PDE1A: variants seen among roughly 807,000 people sequenced by gnomAD.
The protein encoded by PDE1A is dual specificity calcium/calmodulin-dependent 3',5'-cyclic nucleotide phosphodiesterase 1A.
PDE1A carries 35 observed loss-of-function variants against 61.7 expected under a neutral mutation model. That is an observed-to-expected ratio of 0.57 (90% CI 0.43 to 0.75). The LOEUF (loss-of-function observed/expected upper bound fraction) is 0.75, where lower values mean the gene tolerates loss of function less well. PDE1A is among the 30% of genes least tolerant of loss of function. The pLI is 0.00. For synonymous variants in PDE1A, 232 were observed against 213.2 expected (o/e 1.09, Z -0.77); for missense variants, 597 against 630.6 (o/e 0.95, Z 0.57).
the PDE1A span, among the ~76,000 whole-genome samples, chr2:182,578,007 A>G: frequency 6.6e-6 from 1 of 151,286 alleles, no homozygotes; most frequent in African/African-American, 2.4e-5. Context: ...GGAGGGAGGG[A>G]GGGGAAAGAG....
chr2:182,385,473 A>G (rs1158596133), intron 1 of PDE1A, among the ~76,000 whole-genome samples: 1 of 152,120 alleles, frequency 6.6e-6, no homozygotes. Context: ...ATCAAAATCA[A>G]GTTTTTATTG....
intron 1 of PDE1A, among the ~76,000 whole-genome samples, chr2:182,358,527 G>A (rs1699324293): frequency 1.3e-5 from 2 of 151,854 alleles, no homozygotes; most frequent in African/African-American, 4.8e-5. Flanking sequence ...TTTCTCCATT[G>A]GTATCATCTC....
intron 3 of PDE1A, among the ~76,000 whole-genome samples, chr2:182,234,992 G>C (rs1281243599): frequency 6.6e-6 from 1 of 152,094 alleles, no homozygotes; most frequent in Non-Finnish European, 1.5e-5. Context: ...TTTATTTAAT[G>C]ATATTGGGGA....
At chr2:182,157,477 CTCTA>C (rs1691156846) in intron 13 of PDE1A, among the ~76,000 whole-genome samples, 1 of 152,218 alleles carries the variant, frequency 6.6e-6, no homozygotes, top group Non-Finnish European at 1.5e-5. Context: ...TTTCTATAGA[CTCTA>C]AGACCCAATT....
chr2:182,556,234 T>G, the PDE1A span, among the ~76,000 whole-genome samples: 2 of 152,010 alleles, frequency 1.3e-5, no homozygotes, highest in Non-Finnish European at 2.9e-5. Context: ...AAATAACTAT[T>G]TAAACCACCT....
At chr2:182,352,855 A>C (rs1006929682) in intron 1 of PDE1A, among the ~76,000 whole-genome samples, 2 of 152,228 alleles carry the variant, frequency 1.3e-5, no homozygotes, top group African/African-American at 4.8e-5. Flanking sequence ...AGAAACTATC[A>C]GCCAATCGTG....
chr2:182,608,695 C>T, the PDE1A span, among the ~76,000 whole-genome samples: 1 of 152,226 alleles, frequency 6.6e-6, no homozygotes, highest in Non-Finnish European at 1.5e-5. Flanking sequence ...GCCGTGGACT[C>T]CTGCGCCTCC....
rs59999610 is a variant in PDE1A, at chr2:182,412,058, GAA to G, written c.53+14518_53+14519del. On this transcript the variant is annotated intron_variant, in intron 1 of 13. Transcript: ENST00000351439. ...GGGCAATGGAGTGAGACTCCATCTC[GAA>G]AAAAAAAAAAAAAAGATTATCTATT... is the stretch of plus-strand genomic sequence containing the variant. 4.2e-3 allele frequency among the ~76,000 whole-genome samples: 554 copies of G among 131,810 alleles called. 6 individuals are homozygous for G. Among genetic ancestry groups the G allele is most frequent in the African/African-American group, 0.012 (435 of 35,236 alleles). The allele number at this position is 131,810 out of a possible 152,430, so 86.5% of individuals were successfully genotyped here.
chr2:182,178,276 A>G (rs1684448448), intron 13 of PDE1A, among the ~76,000 whole-genome samples: 1 of 152,170 alleles, frequency 6.6e-6, no homozygotes, highest in South Asian at 2.1e-4. Flanking sequence ...ATACTTCCAG[A>G]GGAGATCCAG....
chr2:182,526,643 T>A (rs1690777658), upstream of PDE1A, among the ~76,000 whole-genome samples: 1 of 152,204 alleles, frequency 6.6e-6, no homozygotes, highest in African/African-American at 2.4e-5. Flanking sequence ...TTGATTAAAC[T>A]TAAACTACCA....
intron 1 of PDE1A, among the ~76,000 whole-genome samples, chr2:182,320,726 G>A (rs1696644581): frequency 6.6e-6 from 1 of 152,046 alleles, no homozygotes; most frequent in Admixed American, 6.6e-5. Context: ...AATTTTCAAT[G>A]GACTAGTTAC....
intron 7 of PDE1A, among the ~76,000 whole-genome samples, chr2:182,218,669 G>A (rs573752484): frequency 1.3e-5 from 2 of 152,116 alleles, no homozygotes; most frequent in African/African-American, 2.4e-5. Context: ...TATCATAAAC[G>A]TGGGTTGGAA....
At chr2:182,393,762 A>C (rs577212852) in intron 1 of PDE1A, among the ~76,000 whole-genome samples, 3 of 152,270 alleles carry the variant, frequency 2.0e-5, no homozygotes, top group South Asian at 4.1e-4. Context: ...AATTCCACAG[A>C]TCTCCAGGGC....
intron 13 of PDE1A, among the ~76,000 whole-genome samples, chr2:182,181,380 G>A (rs141980101): frequency 3.3e-5 from 5 of 152,170 alleles, no homozygotes; most frequent in African/African-American, 1.2e-4. Context: ...TTTGATGGGG[G>A]TCCACTCCAG....
intron 2 of PDE1A, among the ~76,000 whole-genome samples, chr2:182,454,791 T>G (rs906320861): frequency 6.6e-6 from 1 of 151,934 alleles, no homozygotes; most frequent in Non-Finnish European, 1.5e-5. Flanking sequence ...AAGACTTACA[T>G]GTTAGACCTA....
chr2:182,551,571 C>A, the PDE1A span, among the ~76,000 whole-genome samples: 13 of 152,204 alleles, frequency 8.5e-5, no homozygotes, highest in Admixed American at 8.5e-4. Flanking sequence ...AAAGCAGCCA[C>A]CACTTCAGAG....
chr2:182,560,818 T>C, the PDE1A span, among the ~76,000 whole-genome samples: 1 of 152,168 alleles, frequency 6.6e-6, no homozygotes, highest in African/African-American at 2.4e-5. Context: ...TGGCCAGTGA[T>C]GGTGAGCATT....
At chr2:182,368,902 T>A (rs779246879) in intron 1 of PDE1A, among the ~76,000 whole-genome samples, 4 of 152,218 alleles carry the variant, frequency 2.6e-5, no homozygotes, top group Middle Eastern at 3.2e-3. Context: ...TTTCACATTA[T>A]TATTTCAAGA....
chr2:182,346,595 C>T (rs1227218094), intron 1 of PDE1A, among the ~76,000 whole-genome samples: 1 of 132,896 alleles, frequency 7.5e-6, no homozygotes, highest in African/African-American at 2.6e-5. Context: ...AAGAGTATAC[C>T]CTAAAAAGTA....
Sources: gnomAD v4.1 joint callset for allele counts (sites outside exome capture counted in the v4.1 genomes callset) on GRCh38, gnomAD v4.1.1 for gene constraint, MANE v1.5 for transcripts, NCBI Gene and HGNC (gene_info 2026-07-23, HGNC 2026-07-21) for gene names.